The following NRAP variants were observed in gnomAD, a reference collection of about 807,000 sequenced individuals.
NRAP encodes nebulin-related-anchoring protein.
NRAP carries 189 observed loss-of-function variants against 225.9 expected under a neutral mutation model. That is an observed-to-expected ratio of 0.84 (90% CI 0.74 to 0.94). The LOEUF (loss-of-function observed/expected upper bound fraction) is 0.94, where lower values mean the gene tolerates loss of function less well. Ranked by LOEUF, NRAP falls within the 40% of genes least tolerant of loss-of-function variation. The pLI, the probability that NRAP is intolerant of heterozygous loss-of-function variation, is 0.00. For synonymous variants in NRAP, 769 were observed against 790.7 expected (o/e 0.97, Z 0.46); for missense variants, 2,176 against 2,168.7 (o/e 1.00, Z -0.07).
At chr10:113,617,177 C>A (rs1159941911) in intron 26 of NRAP, among the ~76,000 whole-genome samples, 2 of 152,134 alleles carry the variant, frequency 1.3e-5, no homozygotes, top group Non-Finnish European at 1.5e-5. Flanking sequence ...AACAGCCTCA[C>A]CACGAATGAA....
intron 18 of NRAP, 84 bp from the exon 19 acceptor site, chr10:113,629,869 C>A: frequency 1.1e-6 from 1 of 922,212 alleles, no homozygotes. Flanking sequence ...GAAAGATTTC[C>A]GGGCTTTCGG....
chr10:113,653,732 G>A (rs1490948247), intron 5 of NRAP, among the ~76,000 whole-genome samples: 1 of 152,180 alleles, frequency 6.6e-6, no homozygotes, highest in Non-Finnish European at 1.5e-5. Flanking sequence ...GGCCATTGGA[G>A]ATGGTTCCTT....
chr10:113,640,379 T>A (rs1194199558), intron 13 of NRAP, 48 bp from the exon 14 acceptor site: 1 of 1,130,228 alleles, frequency 8.8e-7, no homozygotes, highest in Admixed American at 2.4e-5. Flanking sequence ...ATTTCTACTT[T>A]CTTTTGGCTT....
At chr10:113,603,154 G>A (rs1044115937) in intron 35 of NRAP, among the ~76,000 whole-genome samples, 10 of 152,190 alleles carry the variant, frequency 6.6e-5, no homozygotes, top group East Asian at 3.9e-4. Context: ...ACACTGCAAC[G>A]CAGTCCCATT....
intron 35 of NRAP, among the ~76,000 whole-genome samples, chr10:113,599,011 T>A (rs1351450008): frequency 6.6e-6 from 1 of 152,240 alleles, no homozygotes; most frequent in Admixed American, 6.5e-5. Flanking sequence ...TGAATGCTTC[T>A]CTTCTTCTCT....
chr10:113,621,741 T>G (rs1212896348), intron 24 of NRAP, 128 bp downstream of exon 24: 2 of 822,554 alleles, frequency 2.4e-6, no homozygotes, highest in Non-Finnish European at 3.8e-6. Context: ...GTGTTGCCAC[T>G]TAGGGATCCA....
intron 7 of NRAP, 106 bp from the exon 8 acceptor site, chr10:113,650,651 C>G: frequency 2.6e-6 from 2 of 756,632 alleles, no homozygotes; most frequent in Non-Finnish European, 4.7e-6. Flanking sequence ...CCTGTCATAG[C>G]TCATAAGGCA....
rs73354096 is a variant in NRAP at position 113,649,915 on chromosome 10, T to C, written c.888+122A>G. Reference sequence around the variant, plus strand: ...ACTTTCTATCTTGGAAAATCTACCTTTCATAAAAAAGGTAAAGATAAACCA... The same window carrying C: ...ACTTTCTATCTTGGAAAATCTACCTCTCATAAAAAAGGTAAAGATAAACCA... On this transcript the variant is annotated intron_variant, in intron 9 of 41. Transcript: ENST00000359988. 2.4e-3 allele frequency: 1,559 copies of C among 638,762 alleles called. 17 individuals carry two copies. Among genetic ancestry groups the C allele is most frequent in the African/African-American group, 0.024 (1,343 of 55,432 alleles). 39.6% of individuals were successfully genotyped at this position (638,762 alleles called of 1,614,324 possible). A position where few individuals can be genotyped will look rare whatever the true frequency, so the allele number is the denominator to read the frequency against.
chr10:113,606,151 T>A (rs188110836), intron 33 of NRAP, 27 bp downstream of exon 33: 10 of 1,539,006 alleles, frequency 6.5e-6, no homozygotes, highest in Non-Finnish European at 1.8e-6. Flanking sequence ...TGGAGCATGC[T>A]TGAACTTAAG....
In NRAP at chr10:113,616,254, C is replaced by T. The variant is rs186595048; in HGVS notation, c.2974-438G>A. 5.1e-4 allele frequency among the ~76,000 whole-genome samples: 77 copies of T among 152,270 alleles called. 1 individual carries two copies. Among genetic ancestry groups the T allele is most frequent in the Admixed American group, 4.6e-3 (70 of 15,298 alleles). ...CGTTCCCCCGTCTCAAATATTCTTC[C>T]CCTAAGACATGTCTCCTGGGTGGAT... On this transcript the variant is annotated intron_variant, in intron 26 of 41. Coordinates refer to ENST00000359988, the MANE Select transcript of NRAP (RefSeq NM_198060.4).
intron 3 of NRAP, among the ~76,000 whole-genome samples, chr10:113,661,230 A>T (rs1258214400): frequency 6.6e-6 from 1 of 152,216 alleles, no homozygotes; most frequent in African/African-American, 2.4e-5. Context: ...ATGGGATAAT[A>T]GTAGTATCAA....
In NRAP at chr10:113,663,932, AAGG is replaced by A; in HGVS notation, c.-53_-51del. 1 of 1,388,302 alleles carries A rather than the reference AAGG, an allele frequency of 7.2e-7. No individual in the cohort carries two copies. Among genetic ancestry groups the A allele is most frequent in the South Asian group, 1.2e-5 (1 of 86,476 alleles). The allele number at this position is 1,388,302 out of a possible 1,614,324, so 86.0% of individuals were successfully genotyped here. ...AAGATAGGCAACAGGCAAGAAATGC[AAGG>A]AGAACCCCCAGTCTAGTTCAAGTCT... On this transcript the variant is annotated 5_prime_UTR_variant, in exon 1 of 42. Coordinates refer to ENST00000359988, the MANE Select transcript of NRAP (RefSeq NM_198060.4).
At chr10:113,635,092 A>C (rs2134058905) in intron 14 of NRAP, among the ~76,000 whole-genome samples, 1 of 152,364 alleles carries the variant, frequency 6.6e-6, no homozygotes, top group African/African-American at 2.4e-5. Context: ...ACCTCAAGAC[A>C]TCAAGGACTA....
rs1847734380 is a variant in NRAP at position 113,617,442 on chromosome 10, C to T, written c.2973+13G>A. On this transcript the variant is annotated intron_variant, in intron 26 of 41. Coordinates refer to ENST00000359988, the MANE Select transcript of NRAP (RefSeq NM_198060.4). ...CACTCTTAGAGTCATAATGTATATA[C>T]ATTATCACTTACATCCACTGCTTGG... 1 of 1,445,952 alleles carries T rather than the reference C, an allele frequency of 6.9e-7. No homozygotes were observed. Among genetic ancestry groups the T allele is most frequent in the Non-Finnish European group, 9.7e-7 (1 of 1,026,446 alleles). The allele number at this position is 1,445,952 out of a possible 1,614,324, so 89.6% of individuals were successfully genotyped here.
At position 113,588,726 on chromosome 10, in the gene NRAP, AC is replaced by A; in HGVS notation, c.*248del. ...AGAATCCCCAGCATCAGCGGGAACC[AC>A]CATCACATCTTTATTCCTCAGCCCA... On this transcript the variant is annotated 3_prime_UTR_variant, in exon 42 of 42. Coordinates refer to ENST00000359988, the MANE Select transcript of NRAP (RefSeq NM_198060.4). 1.8e-6 allele frequency: 1 copy of A among 553,434 alleles called. No individual in the cohort carries two copies. The highest frequency in any genetic ancestry group is 3.2e-6 in the Non-Finnish European group (1 of 314,458). The allele number at this position is 553,434 out of a possible 1,614,324, so 34.3% of individuals were successfully genotyped here. A position where few individuals can be genotyped will look rare whatever the true frequency, so the allele number is the denominator to read the frequency against.
At chr10:113,597,265 T>C (rs1846337536) in intron 36 of NRAP, 81 bp from the exon 37 acceptor site, 9 of 851,826 alleles carry the variant, frequency 1.1e-5, no homozygotes, top group African/African-American at 1.7e-5. Flanking sequence ...CTCCACCTTC[T>C]CAGTACCTAA....
rs137958736 is a variant in NRAP at position 113,658,755 on chromosome 10, G to A, written c.256-1181C>T. Among the ~76,000 whole-genome samples the A allele has an allele frequency of 3.6e-4, 54 of 151,804 alleles. 1 individual carries two copies. The highest frequency in any genetic ancestry group is 6.6e-4 in the Admixed American group (10 of 15,204). ...AAATTAGCTGAGCATGGTGGTGCACGCCTGTAGTCCCAACTACTCAGGAGG... is the reference window on the plus strand; with the variant it reads ...AAATTAGCTGAGCATGGTGGTGCACACCTGTAGTCCCAACTACTCAGGAGG... On this transcript the variant is annotated intron_variant, in intron 3 of 41. Transcript: ENST00000359988.
At chr10:113,614,975 C>T (rs1847561341) in intron 27 of NRAP, 29 bp from the exon 28 acceptor site, 2 of 1,308,976 alleles carry the variant, frequency 1.5e-6, no homozygotes, top group South Asian at 2.3e-5. Context: ...CAAGGAAAGA[C>T]CTTTAAGTGA....
At chr10:113,631,442 G>A in intron 18 of NRAP, 67 bp downstream of exon 18, 1 of 897,154 alleles carries the variant, frequency 1.1e-6, no homozygotes, top group Non-Finnish European at 1.8e-6. Flanking sequence ...AGGTGAAGTA[G>A]GCCCAGGGAA....
Sources: allele counts gnomAD v4.1 joint callset (sites outside exome capture counted in the v4.1 genomes callset), GRCh38; gene constraint gnomAD v4.1.1; transcripts MANE v1.5; gene names NCBI Gene and HGNC (gene_info 2026-07-23, HGNC 2026-07-21).